The following ADAM32 variants were observed in gnomAD, a reference collection of about 807,000 sequenced individuals.
ADAM32 encodes the protein ADAM metallopeptidase domain 32, also known as disintegrin and metalloproteinase domain-containing protein 32.
In ADAM32, 89 loss-of-function variants were observed where a neutral mutation model predicts 114.9. The ratio of observed to expected loss-of-function variants is 0.77; its 90% confidence interval spans 0.65 to 0.92. ADAM32 has a LOEUF of 0.92. Ranked by LOEUF, ADAM32 falls within the 40% of genes least tolerant of loss-of-function variation. ADAM32 has a pLI of 0.00. For missense variants in ADAM32, 870 were observed against 932.8 expected (o/e 0.93, Z 0.88); for synonymous variants, 285 against 307.5 (o/e 0.93, Z 0.77).
chr8:39,251,446 A>C (rs1811301985), intron 17 of ADAM32, among the ~76,000 whole-genome samples: 1 of 151,438 alleles, frequency 6.6e-6, no homozygotes, highest in African/African-American at 2.4e-5. Context: ...TCTGATTTGC[A>C]TCTCTCTCAT....
intron 12 of ADAM32, chr8:39,220,832 A>T (rs962822284): frequency 6.6e-6 from 1 of 152,066 alleles, no homozygotes; most frequent in African/African-American, 2.4e-5. Flanking sequence ...TTAGCTTAGC[A>T]TATGGTCTAT....
intron 19 of ADAM32, among the ~76,000 whole-genome samples, chr8:39,258,344 C>T (rs1335864609): frequency 6.6e-6 from 1 of 151,410 alleles, no homozygotes. Flanking sequence ...AATTTTCAAC[C>T]CTTCTTATTT....
intron 11 of ADAM32, among the ~76,000 whole-genome samples, chr8:39,192,491 T>A: frequency 6.6e-6 from 1 of 152,202 alleles, no homozygotes; most frequent in Non-Finnish European, 1.5e-5. Context: ...TGCCTTTTAA[T>A]TGGGGCATGT....
chr8:39,249,695 T>G (rs1811164521), intron 17 of ADAM32, among the ~76,000 whole-genome samples: 1 of 152,218 alleles, frequency 6.6e-6, no homozygotes, highest in South Asian at 2.1e-4. Context: ...TACTTTCACT[T>G]AATTCCTTCT....
intron 16 of ADAM32, among the ~76,000 whole-genome samples, chr8:39,243,694 A>G (rs1331786840): frequency 6.6e-6 from 1 of 152,194 alleles, no homozygotes; most frequent in Non-Finnish European, 1.5e-5. Flanking sequence ...GGAAAAGTTG[A>G]AAGCATTTTC....
chr8:39,283,411 T>TAA lies in ADAM32; in HGVS notation c.2319-151_2319-150dup, dbSNP rs375766985. ...GAGTGGCAAAGTGAAACTCCATCTC[T>TAA]AAAAAAAAAAAAAAAAAAAAAAAAA... On this transcript the variant is annotated intron_variant, in intron 23 of 24. Transcript: ENST00000379907. Among the ~76,000 whole-genome samples, 225 of 57,302 alleles carry TAA rather than the reference T, an allele frequency of 3.9e-3. 2 individuals are homozygous for TAA. The highest frequency in any genetic ancestry group is 0.014 in the African/African-American group (212 of 14,844). 37.6% of individuals were successfully genotyped at this position (57,302 alleles called of 152,430 possible).
At position 39,183,946 on chromosome 8, in the gene ADAM32, G is replaced by A. The variant is rs895685894; in HGVS notation, c.916-2963G>A. On this transcript the variant is annotated intron_variant, in intron 10 of 24. Transcript: ENST00000379907. Reference sequence around the variant, plus strand: ...GAAAATCCATACCTGGGATACACGAGGACAAATCGTTCCTCCTTCAATGAA... The same window carrying A: ...GAAAATCCATACCTGGGATACACGAAGACAAATCGTTCCTCCTTCAATGAA... Among the ~76,000 whole-genome samples the A allele has an allele frequency of 2.0e-5, 3 of 152,184 alleles. No homozygotes were observed. In the East Asian group the frequency reaches 5.8e-4, roughly 29 times the overall value.
intron 22 of ADAM32, 64 bp from the exon 23 acceptor site, chr8:39,281,072 G>T: frequency 1.2e-6 from 1 of 804,956 alleles, no homozygotes; most frequent in Non-Finnish European, 1.7e-6. Context: ...ATGAGCCACC[G>T]CGCCTGGCCA....
chr8:39,222,203 A>C (rs186430950), intron 13 of ADAM32, among the ~76,000 whole-genome samples: 46 of 152,110 alleles, frequency 3.0e-4, no homozygotes, highest in African/African-American at 1.0e-3. Flanking sequence ...ATTATGTTTT[A>C]GTTTATACAG....
At chr8:39,203,063 A>C (rs969753055) in intron 11 of ADAM32, among the ~76,000 whole-genome samples, 3 of 152,252 alleles carry the variant, frequency 2.0e-5, no homozygotes, top group South Asian at 4.2e-4. Flanking sequence ...TATGTGGTCA[A>C]TTTTGGGATA....
At chr8:39,196,974 G>A (rs1235014549) in intron 11 of ADAM32, among the ~76,000 whole-genome samples, 1 of 151,902 alleles carries the variant, frequency 6.6e-6, no homozygotes, top group African/African-American at 2.4e-5. Flanking sequence ...GTGGTTATGG[G>A]CTTTCTTTGT....
chr8:39,213,482 T>C (rs1029735575), intron 12 of ADAM32, among the ~76,000 whole-genome samples: 1 of 152,130 alleles, frequency 6.6e-6, no homozygotes, highest in African/African-American at 2.4e-5. Context: ...CTTTTGTCTA[T>C]ATCTTTTTAA....
intron 11 of ADAM32, among the ~76,000 whole-genome samples, chr8:39,189,687 T>G (rs1463886114): frequency 6.6e-6 from 1 of 152,200 alleles, no homozygotes; most frequent in African/African-American, 2.4e-5. Flanking sequence ...CACCCTACTT[T>G]GCTATTGAAC....
At chr8:39,193,474 A>G (rs1806737818) in intron 11 of ADAM32, among the ~76,000 whole-genome samples, 1 of 151,964 alleles carries the variant, frequency 6.6e-6, no homozygotes, top group South Asian at 2.1e-4. Flanking sequence ...CTTCATTCCT[A>G]TCTATATTCT....
At chr8:39,110,371 G>T (rs755079472) in intron 1 of ADAM32, among the ~76,000 whole-genome samples, 2 of 152,042 alleles carry the variant, frequency 1.3e-5, no homozygotes, top group African/African-American at 4.8e-5. Flanking sequence ...GCACCCGGCC[G>T]CTTTTTTATT....
At chr8:39,229,457 C>A (rs1034384493) in intron 14 of ADAM32, among the ~76,000 whole-genome samples, 1 of 151,994 alleles carries the variant, frequency 6.6e-6, no homozygotes, top group African/African-American at 2.4e-5. Context: ...AGGAGACTCA[C>A]CTAACACATA....
intron 10 of ADAM32, among the ~76,000 whole-genome samples, chr8:39,181,272 C>T (rs1409286858): frequency 3.3e-5 from 5 of 152,182 alleles, no homozygotes; most frequent in Non-Finnish European, 7.3e-5. Flanking sequence ...CTGAAGCCAG[C>T]GAGCCCATGA....
chr8:39,275,358 T>A (rs1813008929), intron 21 of ADAM32, among the ~76,000 whole-genome samples: 1 of 152,324 alleles, frequency 6.6e-6, no homozygotes, highest in African/African-American at 2.4e-5. Context: ...TTTCATAAAG[T>A]TTTAGTAAAT....
At chr8:39,180,308 G>A (rs1435017954) in intron 10 of ADAM32, among the ~76,000 whole-genome samples, 4 of 152,214 alleles carry the variant, frequency 2.6e-5, no homozygotes, top group Non-Finnish European at 5.9e-5. Flanking sequence ...GCCAGCCCAC[G>A]GGTGCTGTGC....
Sources: gnomAD v4.1 joint callset for allele counts (sites outside exome capture counted in the v4.1 genomes callset) on GRCh38, gnomAD v4.1.1 for gene constraint, MANE v1.5 for transcripts, NCBI Gene and HGNC (gene_info 2026-07-23, HGNC 2026-07-21) for gene names.